PAX7: variants seen among roughly 807,000 people sequenced by gnomAD.
PAX7 encodes paired box 7, also known as paired box protein Pax-7.
In PAX7, 18 loss-of-function variants were observed where a neutral mutation model predicts 50.7. The observed-to-expected ratio is 0.36, with a 90% CI of 0.25 to 0.53. PAX7 has a LOEUF of 0.53. Among genes scored for constraint, PAX7 ranks in the 20% least tolerant of loss-of-function variants. PAX7 has a pLI of 0.93. For synonymous variants in PAX7, 310 were observed against 290.4 expected, an observed-to-expected ratio of 1.07 and a Z score of -0.69; for missense variants, 644 against 702.9, an observed-to-expected ratio of 0.92 and a Z score of 0.95.
At chr1:18,687,132 C>A (rs997999259) in intron 4 of PAX7, among the ~76,000 whole-genome samples, 2 of 152,068 alleles carry the variant, frequency 1.3e-5, no homozygotes, top group Admixed American at 6.6e-5. Context: ...CTCAGGTGAT[C>A]CACCCGCCTC....
chr1:18,635,260 G>GCTA lies in PAX7; in HGVS notation c.451+20_451+21insCTA. The GCTA allele has an allele frequency of 6.2e-7, 1 of 1,612,336 alleles. No homozygotes were observed. ...CCTCAGGTGAGAAGGCAGCTGAGCC[G>GCTA]GCAGAGCTGGCCCAGAGTGTGGCCA... On this transcript the variant is annotated intron_variant, in intron 3 of 8. Coordinates refer to ENST00000420770, the MANE Select transcript of PAX7 (RefSeq NM_001135254.2).
chr1:18,681,691 A>ATTTATTTTATTTTATTTTATTTTAT (rs202204301), intron 4 of PAX7, among the ~76,000 whole-genome samples: 20 of 138,026 alleles, frequency 1.4e-4, no homozygotes, highest in South Asian at 2.4e-4. Context: ...AGGGCTTAGA[A>ATTTATTTTATTTTATTTTATTTTAT]TTTATTTTAT....
At chr1:18,640,936 G>T (rs1459495073) in intron 4 of PAX7, among the ~76,000 whole-genome samples, 2 of 152,030 alleles carry the variant, frequency 1.3e-5, no homozygotes, top group African/African-American at 2.4e-5. Flanking sequence ...CCCGGCGAGG[G>T]GCCGAGCCCA....
At chr1:18,737,805 T>A (rs1024296882) in intron 8 of PAX7, among the ~76,000 whole-genome samples, 1 of 152,274 alleles carries the variant, frequency 6.6e-6, no homozygotes, top group African/African-American at 2.4e-5. Flanking sequence ...GTTGAGCGTG[T>A]CTTTATGTGT....
chr1:18,712,307 T>C (rs2089362710), intron 7 of PAX7, among the ~76,000 whole-genome samples: 1 of 151,306 alleles, frequency 6.6e-6, no homozygotes, highest in Non-Finnish European at 1.5e-5. Context: ...AAACGCTCAG[T>C]TATTTCCCCC....
At chr1:18,646,721 G>A (rs2088345776) in intron 4 of PAX7, among the ~76,000 whole-genome samples, 11 of 151,966 alleles carry the variant, frequency 7.2e-5, no homozygotes, top group Admixed American at 7.2e-4. Flanking sequence ...AATGCCTGGT[G>A]GCGCTTTACT....
In PAX7 at chr1:18,735,667, C is replaced by T. The variant is rs2089700729; in HGVS notation, c.1191C>T (p.Pro397=). Residue 397 remains proline (P), a synonymous_variant, in exon 8 of 9, where the codon CCC becomes CCT. Coordinates refer to ENST00000420770, the MANE Select transcript of PAX7 (RefSeq NM_001135254.2). The surrounding 1 kb of genome is among the most constrained non-coding windows in gnomAD (Gnocchi z 4.0). ...MSILGNPSAV[P]PQPQADFSIS... ...TCTTGGGCAACCCCAGTGCGGTGCC[C>T]CCGCAGCCACAGGCTGACTTCTCCA... is the stretch of plus-strand genomic sequence containing the variant. 1 of 1,613,986 alleles carries T rather than the reference C, an allele frequency of 6.2e-7. No individual in the cohort carries two copies. Among genetic ancestry groups the T allele is most frequent in the Non-Finnish European group, 8.5e-7 (1 of 1,179,956 alleles).
chr1:18,700,710 G>A lies in PAX7; in HGVS notation c.844G>A (p.Ala282Thr). ...TAAGCAGGCAGGAGCCAACCAGCTG[G>A]CGGCGTTCAACCACCTTCTGCCAGG... ...WRKQAGANQL[A>T]AFNHLLPGGF... Residue 282 changes from alanine (A) to threonine (T), a missense_variant, in exon 6 of 9, where the codon GCG becomes ACG. Physicochemically the swap from Ala to Thr is moderately conservative, Grantham distance 58. Coordinates refer to ENST00000420770, the MANE Select transcript of PAX7 (RefSeq NM_001135254.2). This position sits in a 1 kb window ranked among gnomAD's most constrained non-coding sequence, Gnocchi z 4.8. 6.2e-7 allele frequency: 1 copy of A among 1,602,088 alleles called. No homozygotes were observed. Among genetic ancestry groups the A allele is most frequent in the Non-Finnish European group, 8.5e-7 (1 of 1,175,070 alleles).
chr1:18,672,604 T>C (rs904122048), intron 4 of PAX7, among the ~76,000 whole-genome samples: 1 of 147,472 alleles, frequency 6.8e-6, no homozygotes, highest in Non-Finnish European at 1.5e-5. Context: ...GTGTTTTTTT[T>C]TTTTTTTTTT....
intron 4 of PAX7, among the ~76,000 whole-genome samples, chr1:18,665,688 T>TTTTTG (rs2088658852): frequency 6.9e-6 from 1 of 144,430 alleles, no homozygotes. Flanking sequence ...TTTTTTTTTT[T>TTTTTG]GAAACAGAGT....
intron 7 of PAX7, among the ~76,000 whole-genome samples, chr1:18,720,979 C>T (rs371192927): frequency 6.6e-6 from 1 of 151,952 alleles, no homozygotes; most frequent in Non-Finnish European, 1.5e-5. Context: ...CAGAGGAACC[C>T]GAATTTGAAT....
At chr1:18,671,097 C>T (rs139066144) in intron 4 of PAX7, among the ~76,000 whole-genome samples, 1 of 152,290 alleles carries the variant, frequency 6.6e-6, no homozygotes, top group African/African-American at 2.4e-5. Flanking sequence ...TGTTCCCTAG[C>T]TCAGTGGGCC....
At chr1:18,702,635 C>T (rs779311737) in intron 6 of PAX7, among the ~76,000 whole-genome samples, 1 of 152,052 alleles carries the variant, frequency 6.6e-6, no homozygotes, top group Non-Finnish European at 1.5e-5. Context: ...GTGTGAGTGC[C>T]CCAAGCCCAC....
In PAX7 at chr1:18,691,894, G is replaced by C; in HGVS notation, c.727G>C (p.Asp243His). 6.2e-7 allele frequency: 1 copy of C among 1,614,052 alleles called. No homozygotes were observed. Among genetic ancestry groups the C allele is most frequent in the Non-Finnish European group, 8.5e-7 (1 of 1,180,018 alleles). The change falls in exon 5 of 9, where the codon GAC (aspartate) becomes CAC (histidine). Residue 243 changes from aspartate to histidine, a missense_variant. Asp to His is a moderately conservative substitution (Grantham distance 81, BLOSUM62 -1). Coordinates refer to ENST00000420770, the MANE Select transcript of PAX7 (RefSeq NM_001135254.2). Reference sequence around the variant, plus strand: ...GGCCTTTGAGAGGACCCACTACCCAGACATATACACCCGCGAGGAGCTGGC... The same window carrying C: ...GGCCTTTGAGAGGACCCACTACCCACACATATACACCCGCGAGGAGCTGGC... ...EKAFERTHYP[D>H]IYTREELAQR...
At chr1:18,711,656 G>A (rs2089352961) in intron 7 of PAX7, among the ~76,000 whole-genome samples, 1 of 152,130 alleles carries the variant, frequency 6.6e-6, no homozygotes, top group South Asian at 2.1e-4. Flanking sequence ...ATGGAGGAGT[G>A]CTTGACTCAA....
intron 3 of PAX7, 127 bp downstream of exon 3, chr1:18,635,367 G>A: frequency 9.0e-7 from 1 of 1,105,510 alleles, no homozygotes. Context: ...GAAGTTGGGA[G>A]GAAAGGAGTA....
At position 18,745,204 on chromosome 1, in the gene PAX7, C is replaced by T. The variant is rs1452215356; in HGVS notation, c.*275C>T. On this transcript the variant is annotated 3_prime_UTR_variant, in exon 9 of 9. Coordinates refer to ENST00000420770, the MANE Select transcript of PAX7 (RefSeq NM_001135254.2). ...CCTCCCCTGTCAAATCCCATGGTGG[C>T]CTCTGTGCCATCTCAGGCATGGAGA... is the stretch of plus-strand genomic sequence containing the variant. 2 of 483,536 alleles carry T rather than the reference C, an allele frequency of 4.1e-6. No homozygotes were observed. The highest frequency in any genetic ancestry group is 7.4e-6 in the Non-Finnish European group (2 of 268,890). The allele number at this position is 483,536 out of a possible 1,614,324, so 30.0% of individuals were successfully genotyped here.
intron 7 of PAX7, among the ~76,000 whole-genome samples, chr1:18,719,377 C>T (rs566721755): frequency 1.3e-5 from 2 of 152,328 alleles, no homozygotes; most frequent in South Asian, 4.1e-4. Context: ...CTGTTCCTGT[C>T]CCTCCATCCT....
At chr1:18,699,106 T>C (rs972578891) in intron 5 of PAX7, among the ~76,000 whole-genome samples, 3 of 152,310 alleles carry the variant, frequency 2.0e-5, no homozygotes, top group South Asian at 2.1e-4. Context: ...CATTCATTCG[T>C]CATTCACTCC....
Sources: allele counts gnomAD v4.1 joint callset (sites outside exome capture counted in the v4.1 genomes callset), GRCh38; gene constraint gnomAD v4.1.1; non-coding constraint Gnocchi (gnomAD v3.1); transcripts MANE v1.5; gene names NCBI Gene and HGNC (gene_info 2026-07-23, HGNC 2026-07-21).